HEATR4: variants seen among roughly 807,000 people sequenced by gnomAD.
The protein encoded by HEATR4 is HEAT repeat containing 4.
HEATR4 carries 95 observed loss-of-function variants against 108.8 expected under a neutral mutation model. That is an observed-to-expected ratio of 0.87 (90% CI 0.74 to 1.04). The LOEUF is 1.04. Ranked by LOEUF, HEATR4 falls within the 50% of genes least tolerant of loss-of-function variation. The probability of loss-of-function intolerance (pLI) is 0.00; values close to 1 mark genes in which losing one functional copy is unlikely to be tolerated. For missense variants in HEATR4, 1,152 were observed against 1,253.8 expected, an observed-to-expected ratio of 0.92 and a Z score of 1.23; for synonymous variants, 443 against 459.4, an observed-to-expected ratio of 0.96 and a Z score of 0.46.
At chr14:73,592,310 A>G in the HEATR4 span, 1 of 1,610,988 alleles carries the variant, frequency 6.2e-7, no homozygotes, top group Non-Finnish European at 8.5e-7. Flanking sequence ...CCGAGCCTGG[A>G]CGGCTGCTGT....
upstream of HEATR4, among the ~76,000 whole-genome samples, chr14:73,561,187 G>A (rs1306653690): frequency 2.6e-5 from 4 of 151,514 alleles, no homozygotes; most frequent in African/African-American, 9.7e-5. Context: ...TCAACATGGT[G>A]AAACTCCATC....
At chr14:73,555,471 A>AT (rs146408242) in intron 1 of HEATR4, among the ~76,000 whole-genome samples, 10,871 of 113,392 alleles carry the variant, frequency 0.096, 2,938 homozygotes, top group African/African-American at 0.27. Flanking sequence ...AAAGTGAGAG[A>AT]TTTTGACATC....
chr14:73,563,212 T>C (rs1325593817), upstream of HEATR4, among the ~76,000 whole-genome samples: 3 of 151,938 alleles, frequency 2.0e-5, no homozygotes, highest in Non-Finnish European at 4.4e-5. Flanking sequence ...CGGCCGACTC[T>C]TATAGAAAAT....
intron 1 of HEATR4, among the ~76,000 whole-genome samples, chr14:73,538,351 C>T (rs2052401571): frequency 8.7e-6 from 1 of 114,440 alleles, no homozygotes; most frequent in African/African-American, 2.8e-5. Context: ...CGCTGGCTCA[C>T]GCCTGTAATC....
chr14:73,489,363 C>T (rs1371301685), intron 17 of HEATR4, among the ~76,000 whole-genome samples: 1 of 152,082 alleles, frequency 6.6e-6, no homozygotes, highest in Non-Finnish European at 1.5e-5. Flanking sequence ...ATCTAAAAGC[C>T]TTGGCAAGTG....
the HEATR4 span, chr14:73,569,801 C>G: frequency 1.9e-5 from 30 of 1,603,162 alleles, 1 homozygote; most frequent in Middle Eastern, 1.9e-4. Flanking sequence ...AGACGCGGCA[C>G]GAGCGCTACT....
the HEATR4 span, among the ~76,000 whole-genome samples, chr14:73,572,893 G>A: frequency 6.6e-5 from 10 of 150,546 alleles, no homozygotes; most frequent in Non-Finnish European, 1.0e-4. Context: ...TGATCCACCC[G>A]TCTCAGCCTC....
At chr14:73,497,892 C>A (rs1459898444) in intron 14 of HEATR4, among the ~76,000 whole-genome samples, 2 of 152,186 alleles carry the variant, frequency 1.3e-5, no homozygotes, top group Non-Finnish European at 2.9e-5. Context: ...TCCCAAAGTG[C>A]TGGGATTACA....
the HEATR4 span, among the ~76,000 whole-genome samples, chr14:73,591,163 C>T: frequency 6.6e-6 from 1 of 152,164 alleles, no homozygotes; most frequent in Non-Finnish European, 1.5e-5. Context: ...AGGAGGATCA[C>T]TTGAGCCTGG....
At position 73,531,358 on chromosome 14, in the gene HEATR4, G is replaced by C. The variant is rs1483206490; in HGVS notation, c.-151-1114C>G. The C allele has an allele frequency of 8.9e-5, 10 of 111,780 alleles. 3 individuals are homozygous for C. Among genetic ancestry groups the C allele is most frequent in the African/African-American group, 2.3e-4 (8 of 34,398 alleles). The allele number at this position is 111,780 out of a possible 1,614,324, so 6.9% of individuals were successfully genotyped here. A position where few individuals can be genotyped will look rare whatever the true frequency, so the allele number is the denominator to read the frequency against. On this transcript the variant is annotated intron_variant, in intron 1 of 17. Transcript: ENST00000553558. The stretch of plus-strand genomic sequence containing the variant: ...TTAAATTTCCTTCTTTGTAAACTGA[G>C]CTGTGAGAAATTGCATCTTATTTAT...
chr14:73,529,354 CAAAAAAA>C (rs10605851), intron 2 of HEATR4, among the ~76,000 whole-genome samples: 38 of 87,424 alleles, frequency 4.3e-4, no homozygotes, highest in African/African-American at 1.7e-3. Context: ...GACTCTGTCT[CAAAAAAA>C]AAAAAAAAAA....
Position 73,545,969 on chromosome 14 carries a change from T to A in HEATR4, c.-152+12782A>T, listed in dbSNP as rs1355013157. ...GTTCAAGCCAGCCTGGGTAACATAG[T>A]GGGACACCATCTTATAAAAACAATT... On this transcript the variant is annotated intron_variant, in intron 1 of 17. Coordinates refer to ENST00000553558, the MANE Select transcript of HEATR4 (RefSeq NM_001220484.1). Among the ~76,000 whole-genome samples the A allele has an allele frequency of 1.8e-5, 2 of 113,750 alleles. 1 individual carries two copies. The highest frequency in any genetic ancestry group is 3.8e-5 in the Non-Finnish European group (2 of 52,302). 74.6% of individuals were successfully genotyped at this position (113,750 alleles called of 152,430 possible).
chr14:73,626,163 C>T, the HEATR4 span, among the ~76,000 whole-genome samples: 1 of 152,170 alleles, frequency 6.6e-6, no homozygotes, highest in South Asian at 2.1e-4. Context: ...TTAAGCTAAA[C>T]AGCAGGGGTG....
At chr14:73,572,972 G>A in the HEATR4 span, among the ~76,000 whole-genome samples, 3 of 151,508 alleles carry the variant, frequency 2.0e-5, no homozygotes, top group Non-Finnish European at 4.4e-5. Flanking sequence ...AATTTTGTGT[G>A]AAACACAAAA....
At chr14:73,572,479 T>A in the HEATR4 span, among the ~76,000 whole-genome samples, 1 of 151,664 alleles carries the variant, frequency 6.6e-6, no homozygotes. Flanking sequence ...TTAAGGTACA[T>A]AATCTAAGTG....
intron 14 of HEATR4, among the ~76,000 whole-genome samples, chr14:73,497,446 A>G (rs1290646502): frequency 6.6e-6 from 1 of 152,178 alleles, no homozygotes; most frequent in Admixed American, 6.5e-5. Flanking sequence ...TATAATGTAG[A>G]CTATCACCTG....
chr14:73,535,482 T>C (rs1202547226), intron 1 of HEATR4, among the ~76,000 whole-genome samples: 1,361 of 46,558 alleles, frequency 0.029, 288 homozygotes, highest in African/African-American at 0.14. Context: ...TTTTTTTTTT[T>C]TTTTTTTTTT....
Position 73,500,821 on chromosome 14 carries a change from G to A in HEATR4, c.2106-91C>T, listed in dbSNP as rs1395420644. The A allele has an allele frequency of 3.3e-6, 4 of 1,229,420 alleles. No homozygotes were observed. The Admixed American group carries it at 6.5e-5, about 20-fold the overall frequency. 76.2% of individuals were successfully genotyped at this position (1,229,420 alleles called of 1,614,324 possible). The stretch of plus-strand genomic sequence containing the variant: ...CTAATGCCCTCATGATAAAATCCGG[G>A]TTCTGTAGGCTGTCAATCCCATTCA... On this transcript the variant is annotated intron_variant, in intron 11 of 17. Coordinates refer to ENST00000553558, the MANE Select transcript of HEATR4 (RefSeq NM_001220484.1).
intron 5 of HEATR4, among the ~76,000 whole-genome samples, chr14:73,518,546 C>T (rs796196357): frequency 3.9e-5 from 6 of 152,252 alleles, no homozygotes; most frequent in African/African-American, 1.4e-4. Flanking sequence ...GTTTCATAAG[C>T]TAATTTCTTG....
Sources: gnomAD v4.1 joint callset for allele counts (sites outside exome capture counted in the v4.1 genomes callset) on GRCh38, gnomAD v4.1.1 for gene constraint, MANE v1.5 for transcripts, NCBI Gene and HGNC (gene_info 2026-07-23, HGNC 2026-07-21) for gene names.